EPHB2: variants seen among roughly 807,000 people sequenced by gnomAD.
EPHB2 encodes the protein ephrin type-B receptor 2.
EPHB2 carries 18 observed loss-of-function variants against 96.4 expected under a neutral mutation model. The observed-to-expected ratio is 0.19, with a 90% confidence interval of 0.13 to 0.28. EPHB2 has a LOEUF of 0.28. Ranked by LOEUF, EPHB2 falls within the 10% of genes least tolerant of loss-of-function variation. The pLI is 1.00. For synonymous variants in EPHB2, 506 were observed against 534.1 expected (o/e 0.95, Z 0.72); for missense variants, 989 against 1,355.4 (o/e 0.73, Z 4.25).
chr1:22,894,652 T>C (rs1639498935), intron 7 of EPHB2, among the ~76,000 whole-genome samples: 2 of 151,850 alleles, frequency 1.3e-5, no homozygotes, highest in South Asian at 4.2e-4. Context: ...ATAGTGTTAA[T>C]GGCATTGAGT....
intron 1 of EPHB2, among the ~76,000 whole-genome samples, chr1:22,732,155 G>T (rs1291898549): frequency 6.6e-6 from 1 of 152,166 alleles, no homozygotes; most frequent in Non-Finnish European, 1.5e-5. Flanking sequence ...TCTGTGCAGT[G>T]GGAATTAGAG....
chr1:22,828,143 G>C (rs944615909), intron 3 of EPHB2, among the ~76,000 whole-genome samples: 27 of 152,182 alleles, frequency 1.8e-4, no homozygotes, highest in Non-Finnish European at 3.2e-4. Context: ...CCCCCACTCA[G>C]TTCTCTCTGG....
chr1:22,792,383 G>A (rs1177597789), intron 3 of EPHB2, among the ~76,000 whole-genome samples: 1 of 152,184 alleles, frequency 6.6e-6, no homozygotes, highest in Non-Finnish European at 1.5e-5. Context: ...GAGGGAGAAG[G>A]AGGGGGGACA....
At chr1:22,786,554 C>T (rs1333135157) in intron 3 of EPHB2, among the ~76,000 whole-genome samples, 1 of 152,208 alleles carries the variant, frequency 6.6e-6, no homozygotes, top group Non-Finnish European at 1.5e-5. Flanking sequence ...AATCTACCAG[C>T]TCTGTGCTTC....
intron 3 of EPHB2, among the ~76,000 whole-genome samples, chr1:22,797,396 C>T (rs914515933): frequency 1.3e-5 from 2 of 152,188 alleles, no homozygotes; most frequent in African/African-American, 4.8e-5. Context: ...CTTCTGGGAC[C>T]TCACTGGCTC....
intron 3 of EPHB2, among the ~76,000 whole-genome samples, chr1:22,835,304 TG>T (rs930462715): frequency 6.6e-6 from 1 of 151,662 alleles, no homozygotes; most frequent in Admixed American, 6.6e-5. Flanking sequence ...CGCTTGAGCC[TG>T]GGAGATCAAT....
chr1:22,749,429 C>G (rs191148662), intron 1 of EPHB2, among the ~76,000 whole-genome samples: 2 of 152,314 alleles, frequency 1.3e-5, no homozygotes, highest in East Asian at 1.9e-4. Context: ...CTCTCTACCC[C>G]CAACACTGCC....
intron 3 of EPHB2, among the ~76,000 whole-genome samples, chr1:22,793,602 C>T (rs1391730542): frequency 6.6e-6 from 1 of 152,104 alleles, no homozygotes; most frequent in African/African-American, 2.4e-5. Flanking sequence ...TGTTCTTGGC[C>T]AAGGGAGGAT....
chr1:22,802,872 A>T (rs1237607331), intron 3 of EPHB2, among the ~76,000 whole-genome samples: 1 of 152,152 alleles, frequency 6.6e-6, no homozygotes, highest in Non-Finnish European at 1.5e-5. Flanking sequence ...ACACAGTGGG[A>T]TCTGCCATGG....
At chr1:22,774,618 C>T (rs1389525703) in intron 1 of EPHB2, 2 of 985,208 alleles carry the variant, frequency 2.0e-6, no homozygotes, top group Non-Finnish European at 2.4e-6. Context: ...ATACGAGAGA[C>T]ACGGAAGACG....
rs1402240248 is a variant in EPHB2 at position 22,912,784 on chromosome 1, C to A, written c.2852+185C>A. 4 of 788,360 alleles carry A rather than the reference C, an allele frequency of 5.1e-6. No homozygotes were observed. In the East Asian group the frequency reaches 1.1e-4, roughly 22 times the overall value. 48.8% of individuals were successfully genotyped at this position (788,360 alleles called of 1,614,324 possible). ...GATACCCAGGTCTGCCTGCCACCTA[C>A]AAGCTCTGTGACCTTGGTCAAATCA... is the stretch of plus-strand genomic sequence containing the variant. On this transcript the variant is annotated intron_variant, in intron 15 of 15. Transcript: ENST00000374630.
At chr1:22,900,097 C>T (rs904179651) in intron 9 of EPHB2, among the ~76,000 whole-genome samples, 2 of 152,066 alleles carry the variant, frequency 1.3e-5, no homozygotes, top group Non-Finnish European at 2.9e-5. Flanking sequence ...AATTCAAGAC[C>T]AGCCTGGCCA....
At chr1:22,833,754 C>T (rs1358729450) in intron 3 of EPHB2, among the ~76,000 whole-genome samples, 1 of 152,012 alleles carries the variant, frequency 6.6e-6, no homozygotes, top group Non-Finnish European at 1.5e-5. Context: ...TTAGTGTTCA[C>T]AATAAATGAA....
intron 9 of EPHB2, among the ~76,000 whole-genome samples, chr1:22,904,774 C>T (rs1485166381): frequency 6.6e-6 from 1 of 152,194 alleles, no homozygotes; most frequent in Non-Finnish European, 1.5e-5. Flanking sequence ...TAAGCCAATT[C>T]GCCAACCCCT....
intron 6 of EPHB2, chr1:22,891,221 C>A: frequency 4.4e-6 from 2 of 455,884 alleles, no homozygotes; most frequent in Non-Finnish European, 8.8e-6. Context: ...CTGGCTCCAG[C>A]TTGTGATCTT....
At chr1:22,771,440 T>A (rs1190868949) in intron 1 of EPHB2, among the ~76,000 whole-genome samples, 1 of 151,926 alleles carries the variant, frequency 6.6e-6, no homozygotes, top group Non-Finnish European at 1.5e-5. Flanking sequence ...AACTGTGGAG[T>A]GAGGCTGTGT....
At chr1:22,755,796 CTG>C (rs1023826329) in intron 1 of EPHB2, among the ~76,000 whole-genome samples, 2 of 152,114 alleles carry the variant, frequency 1.3e-5, no homozygotes, top group Non-Finnish European at 2.9e-5. Context: ...GGCATAAACA[CTG>C]TGTTTGCCAG....
At chr1:22,779,162 C>T (rs1298740323) in intron 1 of EPHB2, among the ~76,000 whole-genome samples, 2 of 152,266 alleles carry the variant, frequency 1.3e-5, no homozygotes, top group Non-Finnish European at 2.9e-5. Context: ...AGCCCTTGTT[C>T]TCTCCAGGAA....
intron 9 of EPHB2, among the ~76,000 whole-genome samples, chr1:22,902,737 A>G (rs1639790100): frequency 6.6e-6 from 1 of 152,202 alleles, no homozygotes; most frequent in South Asian, 2.1e-4. Context: ...AGAGTCTTCC[A>G]GAAAGGAGTG....
Sources: gnomAD v4.1 joint callset for allele counts (sites outside exome capture counted in the v4.1 genomes callset) on GRCh38, gnomAD v4.1.1 for gene constraint, MANE v1.5 for transcripts, NCBI Gene and HGNC (gene_info 2026-07-23, HGNC 2026-07-21) for gene names.